Variants in WDPCP observed in about 807,000 individuals in gnomAD.
WDPCP encodes WD repeat-containing and planar cell polarity effector protein fritz homolog.
In WDPCP, 71 loss-of-function variants were observed where a neutral mutation model predicts 93.1. The observed-to-expected ratio is 0.76, with a 90% confidence interval of 0.63 to 0.93. The LOEUF (loss-of-function observed/expected upper bound fraction) is 0.93. Among genes scored for constraint, WDPCP ranks in the 40% least tolerant of loss-of-function variants. The pLI is 0.00. For synonymous variants in WDPCP, 315 were observed against 315.0 expected (o/e 1.00, Z 0.00); for missense variants, 844 against 887.4 (o/e 0.95, Z 0.62).
At chr2:63,540,900 T>A (rs1297123055) in intron 1 of WDPCP, among the ~76,000 whole-genome samples, 3 of 151,842 alleles carry the variant, frequency 2.0e-5, no homozygotes, top group Non-Finnish European at 2.9e-5. Flanking sequence ...CACACTACAA[T>A]ATCTGGCTAA....
chr2:63,600,356 A>G (rs1256318915), intron 3 of WDPCP, among the ~76,000 whole-genome samples: 1 of 152,222 alleles, frequency 6.6e-6, no homozygotes, highest in African/African-American at 2.4e-5. Flanking sequence ...CAGGGAAGTC[A>G]GAGAACCTGC....
chr2:63,619,865 T>A (rs1217790288), intron 3 of WDPCP, among the ~76,000 whole-genome samples: 3 of 152,096 alleles, frequency 2.0e-5, no homozygotes, highest in Admixed American at 1.3e-4. Context: ...GTGCGGCCCA[T>A]GGAGAGCAAG....
intron 6 of WDPCP, among the ~76,000 whole-genome samples, chr2:63,478,103 A>G (rs190840410): frequency 1.4e-4 from 21 of 152,314 alleles, no homozygotes; most frequent in African/African-American, 4.8e-4. Flanking sequence ...GTGACATTAT[A>G]TAATGATAAA....
Position 63,763,315 on chromosome 2 carries a change from C to T in WDPCP, n.308+50307G>A, listed in dbSNP as rs951008147. Reference sequence around the variant, plus strand: ...GGCTAGGAGTTTGAGACCAGCCTGGCCGATATAGTGAAACCCCATCTCTAC... The same window carrying T: ...GGCTAGGAGTTTGAGACCAGCCTGGTCGATATAGTGAAACCCCATCTCTAC... On this transcript the variant is annotated intron_variant and non_coding_transcript_variant, in intron 2 of 4. Transcript: ENST00000467687. 2.0e-5 allele frequency among the ~76,000 whole-genome samples: 3 copies of T among 151,912 alleles called. No individual in the cohort carries two copies. In the East Asian group the frequency reaches 5.8e-4, roughly 29 times the overall value.
chr2:63,813,938 T>A (rs1362956800), intron 1 of WDPCP, among the ~76,000 whole-genome samples: 1 of 152,242 alleles, frequency 6.6e-6, no homozygotes, highest in Admixed American at 6.5e-5. Flanking sequence ...ATGTATTCCA[T>A]ATCATAGATA....
At chr2:63,765,199 G>C (rs1234215269) in intron 2 of WDPCP, among the ~76,000 whole-genome samples, 2 of 152,196 alleles carry the variant, frequency 1.3e-5, no homozygotes, top group African/African-American at 4.8e-5. Flanking sequence ...TTTAATGGCA[G>C]AACTCTAACC....
At chr2:63,146,486 T>C (rs1671519067) in intron 17 of WDPCP, among the ~76,000 whole-genome samples, 2 of 150,110 alleles carry the variant, frequency 1.3e-5, no homozygotes, top group African/African-American at 4.9e-5. Context: ...CTCATTGTAA[T>C]CTCTGCCTCC....
chr2:63,553,858 A>G (rs115644596), intron 1 of WDPCP, among the ~76,000 whole-genome samples: 2,446 of 152,282 alleles, frequency 0.016, 76 homozygotes, highest in African/African-American at 0.056. Context: ...ACATTCTCTT[A>G]TACACACAAA....
chr2:63,728,683 T>C (rs1669521617), intron 2 of WDPCP, among the ~76,000 whole-genome samples: 2 of 152,296 alleles, frequency 1.3e-5, no homozygotes, highest in Middle Eastern at 3.4e-3. Flanking sequence ...GCAAGTTGAA[T>C]AGCATGACTT....
Position 63,554,614 on chromosome 2 carries a change from T to C in WDPCP, c.75+33583A>G, listed in dbSNP as rs575032882. ...GTTGCAGTGAGCCAAGATTGCGCCA[T>C]TGCTCTCCAGCCTGGGTAACAAAGC... is the stretch of plus-strand genomic sequence containing the variant. On this transcript the variant is annotated intron_variant, in intron 1 of 17. Transcript: ENST00000272321. 7.3e-5 allele frequency among the ~76,000 whole-genome samples: 11 copies of C among 151,562 alleles called. No individual in the cohort carries two copies. In the South Asian group the frequency reaches 2.1e-3, roughly 29 times the overall value.
At chr2:63,150,174 C>G (rs936962497) in intron 17 of WDPCP, among the ~76,000 whole-genome samples, 7 of 152,250 alleles carry the variant, frequency 4.6e-5, no homozygotes, top group African/African-American at 1.7e-4. Flanking sequence ...TGATTTTTCT[C>G]TCAATGGTGG....
rs2104059294 is a variant in WDPCP at position 63,805,965 on chromosome 2, C to A, written n.308+7657G>T. Among the ~76,000 whole-genome samples, 3 of 152,064 alleles carry A rather than the reference C, an allele frequency of 2.0e-5. No individual in the cohort carries two copies. The Middle Eastern group carries it at 0.01, about 517-fold the overall frequency. On this transcript the variant is annotated intron_variant and non_coding_transcript_variant, in intron 2 of 4. Coordinates refer to the WDPCP transcript ENST00000467687. ...CAAAACCCCATCTCTACAAAAATTACAAAAATTAGCCAGGCGTGGTGGTGA... is the reference window on the plus strand; with the variant it reads ...CAAAACCCCATCTCTACAAAAATTAAAAAAATTAGCCAGGCGTGGTGGTGA...
Position 63,345,885 on chromosome 2 carries a change from C to G in WDPCP, c.1748+32501G>C, listed in dbSNP as rs183524445. 5.6e-4 allele frequency among the ~76,000 whole-genome samples: 86 copies of G among 152,252 alleles called. 1 individual carries two copies. The highest frequency in any genetic ancestry group is 2.0e-3 in the African/African-American group (84 of 41,540). ...AATGCCTCTACCTTTATCCTGGCTGCCAGGCTGATAACTACAGTCAAATCT... is the reference window on the plus strand; with the variant it reads ...AATGCCTCTACCTTTATCCTGGCTGGCAGGCTGATAACTACAGTCAAATCT... On this transcript the variant is annotated intron_variant, in intron 12 of 17. Coordinates refer to ENST00000272321, the MANE Select transcript of WDPCP (RefSeq NM_015910.7).
chr2:63,550,232 CA>C (rs1558793389), intron 1 of WDPCP, among the ~76,000 whole-genome samples: 3,102 of 82,752 alleles, frequency 0.037, 91 homozygotes, highest in South Asian at 0.14. Flanking sequence ...CACACACACA[CA>C]CACACACCCT....
At chr2:63,814,324 GA>G (rs1176219403) in intron 1 of WDPCP, among the ~76,000 whole-genome samples, 6 of 148,246 alleles carry the variant, frequency 4.0e-5, no homozygotes, top group South Asian at 2.1e-4. Flanking sequence ...TGGATGATTC[GA>G]AAAAAAAATA....
chr2:63,602,742 T>G (rs1221457445), intron 3 of WDPCP, among the ~76,000 whole-genome samples: 1 of 152,096 alleles, frequency 6.6e-6, no homozygotes, highest in Non-Finnish European at 1.5e-5. Context: ...CCTCTATAAT[T>G]TTGTCATTTT....
At chr2:63,469,950 G>A (rs1280662094) in intron 6 of WDPCP, among the ~76,000 whole-genome samples, 1 of 152,104 alleles carries the variant, frequency 6.6e-6, no homozygotes, top group East Asian at 1.9e-4. Context: ...GCTCCTCCAT[G>A]CAGTGGCCAA....
intron 9 of WDPCP, among the ~76,000 whole-genome samples, chr2:63,429,976 T>TATAC (rs1315290085): frequency 7.3e-6 from 1 of 137,342 alleles, no homozygotes; most frequent in Admixed American, 7.3e-5. Flanking sequence ...GAAAATGTTA[T>TATAC]ACACACACAC....
At chr2:63,405,534 TG>T (rs1694500834) in intron 9 of WDPCP, among the ~76,000 whole-genome samples, 1 of 19,216 alleles carries the variant, frequency 5.2e-5, no homozygotes, top group Non-Finnish European at 1.2e-4. Flanking sequence ...TTTGGTATAG[TG>T]TGTGTGTGTG....
Sources: allele counts gnomAD v4.1 joint callset (sites outside exome capture counted in the v4.1 genomes callset), GRCh38; gene constraint gnomAD v4.1.1; transcripts MANE v1.5; gene names NCBI Gene and HGNC (gene_info 2026-07-23, HGNC 2026-07-21).